The following SUPT16H variants were observed in gnomAD, a reference collection of about 807,000 sequenced individuals.
SUPT16H encodes SPT16 homolog, facilitates chromatin remodeling subunit, also known as FACT complex subunit SPT16.
In SUPT16H, 24 loss-of-function variants were observed where a neutral mutation model predicts 136.2. That is an observed-to-expected ratio of 0.18 (90% CI 0.13 to 0.25). SUPT16H has a LOEUF of 0.25. Ranked by LOEUF, SUPT16H falls within the 10% of genes least tolerant of loss-of-function variation. The pLI, the probability that SUPT16H is intolerant of heterozygous loss-of-function variation, is 1.00. For missense variants in SUPT16H, 623 were observed against 1,270.2 expected, an observed-to-expected ratio of 0.49 and a Z score of 7.74; for synonymous variants, 415 against 428.2, an observed-to-expected ratio of 0.97 and a Z score of 0.38.
chr14:21,374,279 GT>G (rs1307127604), intron 1 of SUPT16H, among the ~76,000 whole-genome samples: 2 of 152,246 alleles, frequency 1.3e-5, no homozygotes, highest in African/African-American at 4.8e-5. Context: ...AGCCATGGTA[GT>G]TTTTGTCCTT....
rs1256005421 is a variant in SUPT16H, at chr14:21,352,713, G to C, written c.3104C>G (p.Ser1035Cys). 1.2e-6 allele frequency: 2 copies of C among 1,614,084 alleles called. No individual in the cohort carries two copies. Among genetic ancestry groups the C allele is most frequent in the Admixed American group, 3.3e-5 (2 of 60,000 alleles). ...CTTGGGGGGTGCAGAGCTGTGTCTG[G>C]AACCACGGTTAGAGCCACGGCCCGA... ...HSSGRGSNRG[S>C]RHSSAPPKKK... The change falls in exon 26 of 26, where the codon TCC becomes TGC. Residue 1035 changes from serine to cysteine, a missense_variant. Ser to Cys is a moderately radical substitution (Grantham distance 112). Around this residue, in one of 7 missense-constraint regions of SUPT16H, gnomAD observed 88 missense variants for 135.5 expected, o/e 0.65. Coordinates refer to ENST00000216297, the MANE Select transcript of SUPT16H (RefSeq NM_007192.4).
rs1263916449 is a variant in SUPT16H at position 21,362,794 on chromosome 14, C to T, written c.1665G>A (p.Lys555=). ...AACCTGATGCACTGAATGTCAGTAC[C>T]TTGATTGTGGCAATGTGAAACGGTG... ...IATPFHIATI[K]NISMSVEGDY... Residue 555 remains lysine (K), a splice_region_variant and synonymous_variant, in exon 14 of 26, where the codon AAG becomes AAA. Transcript: ENST00000216297. The T allele has an allele frequency of 6.2e-7, 1 of 1,600,960 alleles. No homozygotes were observed. Among genetic ancestry groups the T allele is most frequent in the Non-Finnish European group, 8.5e-7 (1 of 1,176,394 alleles).
intron 6 of SUPT16H, among the ~76,000 whole-genome samples, chr14:21,368,970 A>G (rs527637054): frequency 6.6e-6 from 1 of 152,292 alleles, no homozygotes; most frequent in South Asian, 2.1e-4. Flanking sequence ...AGGTACAAAC[A>G]TAAAGTAAGA....
At chr14:21,371,559 G>A (rs1886786006) in intron 3 of SUPT16H, among the ~76,000 whole-genome samples, 1 of 152,194 alleles carries the variant, frequency 6.6e-6, no homozygotes, top group Non-Finnish European at 1.5e-5. Flanking sequence ...GTATATCTAA[G>A]TTTCCTTAAG....
intron 1 of SUPT16H, among the ~76,000 whole-genome samples, chr14:21,375,067 G>A (rs923948675): frequency 1.3e-5 from 2 of 151,870 alleles, no homozygotes; most frequent in African/African-American, 4.8e-5. Flanking sequence ...AGGCTGGAGT[G>A]CAGTGGTGCA....
chr14:21,364,621 C>G (rs1886626279), intron 10 of SUPT16H, among the ~76,000 whole-genome samples: 1 of 152,092 alleles, frequency 6.6e-6, no homozygotes, highest in South Asian at 2.1e-4. Context: ...AAGGTTCAAG[C>G]CACAATATGA....
At chr14:21,368,758 C>T (rs1182492206) in intron 6 of SUPT16H, among the ~76,000 whole-genome samples, 1 of 152,108 alleles carries the variant, frequency 6.6e-6, no homozygotes, top group African/African-American at 2.4e-5. Flanking sequence ...AGTCACTTAT[C>T]CATTAGTCCT....
chr14:21,365,330 C>A (rs749804908), intron 8 of SUPT16H, among the ~76,000 whole-genome samples, 187 bp from the exon 9 acceptor site: 2 of 152,138 alleles, frequency 1.3e-5, no homozygotes, highest in Non-Finnish European at 2.9e-5. Flanking sequence ...GCTGTATAAT[C>A]CCATGGCGAA....
chr14:21,373,339 T>C lies in SUPT16H; in HGVS notation c.158A>G (p.Gln53Arg). 1 of 1,612,392 alleles carries C rather than the reference T, an allele frequency of 6.2e-7. No individual in the cohort carries two copies. The highest frequency in any genetic ancestry group is 8.5e-7 in the Non-Finnish European group (1 of 1,178,350). Residue 53 changes from glutamine to arginine, a missense_variant and splice_region_variant, in exon 2 of 26, where the codon CAG becomes CGG. This residue lies in a region of SUPT16H where 343 missense variants were observed against 525.7 expected (regional missense o/e 0.65). Coordinates refer to ENST00000216297, the MANE Select transcript of SUPT16H (RefSeq NM_007192.4). The part of the protein sequence containing the change: ...EIVYAKSTAL[Q>R]TWLFGYELTD... ...TAAAAATTGCTGTAAATCTCTCACC[T>C]GTAAGGCAGTTGATTTGGCATAAAC...
At chr14:21,378,408 T>C (rs1053121098) in intron 1 of SUPT16H, among the ~76,000 whole-genome samples, 1 of 152,148 alleles carries the variant, frequency 6.6e-6, no homozygotes, top group African/African-American at 2.4e-5. Context: ...AGTGAAAACA[T>C]CTATATGAAC....
In SUPT16H at chr14:21,360,948, C is replaced by G; in HGVS notation, c.1954G>C (p.Val652Leu). ...KEGIVKQDSL[V>L]INLNRSNPKL... ...GGATTACTCCGGTTTAGATTGATCA[C>G]CAGTGAGTCTTGTTTTACAATCCCC... is the stretch of plus-strand genomic sequence containing the variant. Residue 652 changes from valine to leucine, a missense_variant, in exon 17 of 26, where the codon GTG becomes CTG. Val to Leu is a conservative substitution (Grantham distance 32). This residue lies in a region of SUPT16H where 62 missense variants were observed against 200.5 expected (regional missense o/e 0.31). Coordinates refer to ENST00000216297, the MANE Select transcript of SUPT16H (RefSeq NM_007192.4). 1 of 1,614,030 alleles carries G rather than the reference C, an allele frequency of 6.2e-7. No individual in the cohort carries two copies. Among genetic ancestry groups the G allele is most frequent in the African/African-American group, 1.3e-5 (1 of 75,030 alleles).
intron 15 of SUPT16H, 168 bp from the exon 16 acceptor site, chr14:21,361,381 A>G: frequency 1.3e-6 from 1 of 776,822 alleles, no homozygotes; most frequent in Non-Finnish European, 2.0e-6. Flanking sequence ...CAGTGGCCCA[A>G]TCTTAGCTCA....
Position 21,371,217 on chromosome 14 carries a change from C to T in SUPT16H, c.330+657G>A, listed in dbSNP as rs150162026. Among the ~76,000 whole-genome samples, 476 of 152,182 alleles carry T rather than the reference C, an allele frequency of 3.1e-3. 4 individuals are homozygous for T. The highest frequency in any genetic ancestry group is 0.011 in the African/African-American group (444 of 41,526). Reference sequence around the variant, plus strand: ...ATCTTTAAGGAAGATTGTAATATATCAAAAGTGAGCAAAACATTTCTTTAG... The same window carrying T: ...ATCTTTAAGGAAGATTGTAATATATTAAAAGTGAGCAAAACATTTCTTTAG... On this transcript the variant is annotated intron_variant, in intron 3 of 25. Coordinates refer to ENST00000216297, the MANE Select transcript of SUPT16H (RefSeq NM_007192.4).
chr14:21,372,398 G>T, intron 2 of SUPT16H: 1 of 310,966 alleles, frequency 3.2e-6, no homozygotes, highest in South Asian at 2.9e-5. Flanking sequence ...AGAACCCTGC[G>T]TTATTACCTC....
At chr14:21,360,061 G>A (rs768057605) in intron 18 of SUPT16H, among the ~76,000 whole-genome samples, 5 of 151,872 alleles carry the variant, frequency 3.3e-5, no homozygotes, top group Non-Finnish European at 2.9e-5. Context: ...TTTTTCACAC[G>A]CTGTCGCCCA....
At position 21,353,586 on chromosome 14, in the gene SUPT16H, C is replaced by T. The variant is rs201648410; in HGVS notation, c.2921-21G>A. ...ATAGTCTGGAAGAAAATTAATTAAG[C>T]GTTAGTCATCATGCGGGAACAGAAT... On this transcript the variant is annotated intron_variant, in intron 24 of 25. Coordinates refer to ENST00000216297, the MANE Select transcript of SUPT16H (RefSeq NM_007192.4). The T allele has an allele frequency of 4.2e-5, 67 of 1,611,910 alleles. No individual in the cohort carries two copies. The African/African-American group carries it at 7.1e-4, about 17-fold the overall frequency.
At position 21,363,470 on chromosome 14, in the gene SUPT16H, T is replaced by G. The variant is rs374015871; in HGVS notation, c.1267A>C (p.Lys423Gln). 3.7e-6 allele frequency: 6 copies of G among 1,613,818 alleles called. No individual in the cohort carries two copies. The African/African-American group carries it at 6.7e-5, about 18-fold the overall frequency. ...AAAATCCCCACATTCTTCACTTTCT[T>G]CTTCACAGAAGTGAGAACAGTAGCT... ...GPATVLTSVK[K>Q]KVKNVGIFLK... Residue 423 changes from lysine to glutamine, a missense_variant, in exon 11 of 26, where the codon AAG becomes CAG. Around this residue, in one of 7 missense-constraint regions of SUPT16H, gnomAD observed 343 missense variants for 525.7 expected, o/e 0.65. Coordinates refer to ENST00000216297, the MANE Select transcript of SUPT16H (RefSeq NM_007192.4).
intron 1 of SUPT16H, among the ~76,000 whole-genome samples, chr14:21,379,626 G>A (rs774039184): frequency 6.6e-6 from 1 of 151,936 alleles, no homozygotes; most frequent in African/African-American, 2.4e-5. Context: ...GCCGAGGTGG[G>A]CGGATCGCTT....
intron 22 of SUPT16H, 40 bp downstream of exon 22, chr14:21,357,157 C>A (rs1362184381): frequency 1.3e-6 from 2 of 1,498,294 alleles, no homozygotes. Context: ...TAAAACAGGG[C>A]TCATGGGCTA....
Sources: gnomAD v4.1 joint callset for allele counts (sites outside exome capture counted in the v4.1 genomes callset) on GRCh38, gnomAD v4.1.1 for gene constraint, gnomAD v4.1.1 regional missense constraint, MANE v1.5 for transcripts, NCBI Gene and HGNC (gene_info 2026-07-23, HGNC 2026-07-21) for gene names.